Variants in GALNT2 observed in about 807,000 individuals in gnomAD.
GALNT2 encodes UDP-GalNAc:polypeptide N-acetylgalactosaminyltransferase 2.
GALNT2 carries 31 observed loss-of-function variants against 81.4 expected under a neutral mutation model. The observed-to-expected ratio is 0.38, with a 90% CI of 0.29 to 0.51. The LOEUF (loss-of-function observed/expected upper bound fraction) is 0.51, where lower values mean the gene tolerates loss of function less well. Ranked by LOEUF, GALNT2 falls within the 20% of genes least tolerant of loss-of-function variation. The probability of loss-of-function intolerance (pLI) is 0.87; values close to 1 mark genes in which losing one functional copy is unlikely to be tolerated. For missense variants in GALNT2, 629 were observed against 765.7 expected (o/e 0.82, Z 2.11); for synonymous variants, 303 against 287.4 (o/e 1.05, Z -0.55).
rs577735474 is a variant in GALNT2 at position 230,139,537 on chromosome 1, A to G, written c.127-38681A>G. ...GTTATTCTGCAGCAGGGCTGCTGGC[A>G]CTGGGCCTGGAGGGGAGCCACTGTA... On this transcript the variant is annotated intron_variant, in intron 1 of 15. Transcript: ENST00000366672. Among the ~76,000 whole-genome samples, 21 of 152,344 alleles carry G rather than the reference A, an allele frequency of 1.4e-4. No homozygotes were observed. In the South Asian group the frequency reaches 4.1e-3, roughly 30 times the overall value.
upstream of GALNT2, among the ~76,000 whole-genome samples, chr1:230,066,926 G>C (rs1437088195): frequency 6.6e-6 from 1 of 150,756 alleles, no homozygotes; most frequent in Admixed American, 6.6e-5. Context: ...GCGGCGCCCA[G>C]GCCCTCACGG....
chr1:230,086,388 C>T (rs1437137250), intron 1 of GALNT2, among the ~76,000 whole-genome samples: 1 of 151,896 alleles, frequency 6.6e-6, no homozygotes, highest in Non-Finnish European at 1.5e-5. Flanking sequence ...TGAGGTAGGG[C>T]AAGGAGGGAG....
chr1:230,271,661 G>A lies in GALNT2; in HGVS notation c.1441-2784G>A, dbSNP rs1011559333. Among the ~76,000 whole-genome samples, 9 of 152,320 alleles carry A rather than the reference G, an allele frequency of 5.9e-5. No individual in the cohort carries two copies. The highest frequency in any genetic ancestry group is 1.0e-4 in the Non-Finnish European group (7 of 68,044). The stretch of plus-strand genomic sequence containing the variant: ...AGAACTCAGGAAAACGGTTTACTTC[G>A]TGGCTTACCTGTTCATTAGGAAAGA... On this transcript the variant is annotated intron_variant, in intron 14 of 15. Transcript: ENST00000366672. This position sits in a 1 kb window ranked among gnomAD's most constrained non-coding sequence, Gnocchi z 4.2.
chr1:230,194,613 C>T (rs1182325995), intron 2 of GALNT2, among the ~76,000 whole-genome samples: 2 of 152,184 alleles, frequency 1.3e-5, no homozygotes, highest in African/African-American at 2.4e-5. Flanking sequence ...TGCGGTTAGC[C>T]CAGCCCTTCA....
At chr1:230,118,676 G>T (rs1392385714) in intron 1 of GALNT2, among the ~76,000 whole-genome samples, 1 of 151,862 alleles carries the variant, frequency 6.6e-6, no homozygotes, top group Non-Finnish European at 1.5e-5. Flanking sequence ...TTGCCCTACG[G>T]GGACTGGCTG....
chr1:230,176,916 T>A (rs777007361), intron 1 of GALNT2, among the ~76,000 whole-genome samples: 1 of 152,206 alleles, frequency 6.6e-6, no homozygotes, highest in African/African-American at 2.4e-5. Context: ...GACCCCCGGC[T>A]GCAGAATGGT....
rs1411204991 is a variant in GALNT2 at position 230,256,507 on chromosome 1, GA to G, written c.1136+1164del. 6.0e-5 allele frequency among the ~76,000 whole-genome samples: 9 copies of G among 150,512 alleles called. No individual in the cohort carries two copies. In the East Asian group the frequency reaches 1.4e-3, roughly 23 times the overall value. On this transcript the variant is annotated intron_variant, in intron 11 of 15. Transcript: ENST00000366672. ...TATAATGGCAATTAAAGTTTAACAT[GA>G]GTTTTGGAGGGAACAAACATTCAAA... is the stretch of plus-strand genomic sequence containing the variant.
intron 1 of GALNT2, among the ~76,000 whole-genome samples, 193 bp downstream of exon 1, chr1:230,067,599 T>A (rs1169101756): frequency 6.6e-6 from 1 of 151,324 alleles, no homozygotes; most frequent in Non-Finnish European, 1.5e-5. Context: ...CACGCCGGGC[T>A]CCGAAAGGGC....
intron 11 of GALNT2, among the ~76,000 whole-genome samples, chr1:230,256,156 C>G (rs1002964620): frequency 6.6e-6 from 1 of 152,098 alleles, no homozygotes; most frequent in Admixed American, 6.6e-5. Context: ...GGCCTCACCT[C>G]GGCTGGGCAT....
At position 230,265,257 on chromosome 1, in the gene GALNT2, G is replaced by A; in HGVS notation, c.1330G>A (p.Asp444Asn). Residue 444 changes from aspartate (D) to asparagine (N), a missense_variant, in exon 14 of 16, where the codon GAT becomes AAT. Physicochemically the swap from Asp to Asn is conservative, Grantham distance 23. Transcript: ENST00000366672. Reference protein sequence around the residue: ...YPELRVPDHQDIAFGALQQGT... With the variant: ...YPELRVPDHQNIAFGALQQGT... The stretch of plus-strand genomic sequence containing the variant: ...GTTTTTCAGGGTTCCAGACCATCAG[G>A]ATATAGCTTTTGGGGCCTTGCAGCA... 6.2e-7 allele frequency: 1 copy of A among 1,614,200 alleles called. No individual in the cohort carries two copies. The highest frequency in any genetic ancestry group is 8.5e-7 in the Non-Finnish European group (1 of 1,180,038).
intron 2 of GALNT2, among the ~76,000 whole-genome samples, chr1:230,198,162 A>G (rs1663763260): frequency 6.6e-6 from 1 of 152,184 alleles, no homozygotes; most frequent in Non-Finnish European, 1.5e-5. Context: ...ACCCAGGACG[A>G]GACCCTCAGT....
intron 2 of GALNT2, among the ~76,000 whole-genome samples, chr1:230,186,129 G>A (rs1233253889): frequency 1.3e-5 from 2 of 152,198 alleles, no homozygotes; most frequent in African/African-American, 4.8e-5. Context: ...GGAACTGGAC[G>A]TCCGTTTATG....
chr1:230,213,700 G>A (rs1210942755), intron 3 of GALNT2, among the ~76,000 whole-genome samples: 4 of 152,148 alleles, frequency 2.6e-5, no homozygotes, highest in African/African-American at 7.2e-5. Flanking sequence ...CCTGCTTTGT[G>A]TTTCTTTTTC....
intron 1 of GALNT2, among the ~76,000 whole-genome samples, chr1:230,128,965 C>T (rs1661282252): frequency 6.6e-6 from 1 of 152,236 alleles, no homozygotes; most frequent in South Asian, 2.1e-4. Flanking sequence ...GGATTATCAG[C>T]AATACTTCCA....
intron 2 of GALNT2, among the ~76,000 whole-genome samples, chr1:230,202,645 C>T (rs1352065731): frequency 3.3e-5 from 5 of 152,212 alleles, no homozygotes; most frequent in African/African-American, 1.2e-4. Flanking sequence ...AAGGTCTCAC[C>T]AAAGGGTATT....
At chr1:230,278,897 G>A (rs1666363617) in intron 15 of GALNT2, among the ~76,000 whole-genome samples, 1 of 152,178 alleles carries the variant, frequency 6.6e-6, no homozygotes, top group East Asian at 1.9e-4. Flanking sequence ...GGAGGATCTG[G>A]CCCTGCATTG....
intron 2 of GALNT2, among the ~76,000 whole-genome samples, chr1:230,198,991 C>T (rs1486272527): frequency 1.3e-5 from 2 of 152,190 alleles, no homozygotes; most frequent in African/African-American, 2.4e-5. Context: ...TCTGCCTCCT[C>T]ATGTAAAATG....
At chr1:230,217,139 CAATAA>C (rs1664413991) in intron 3 of GALNT2, among the ~76,000 whole-genome samples, 1 of 150,554 alleles carries the variant, frequency 6.6e-6, no homozygotes, top group African/African-American at 2.5e-5. Context: ...GGGGAGAAAA[CAATAA>C]AATAAATCAT....
intron 6 of GALNT2, among the ~76,000 whole-genome samples, chr1:230,237,530 T>G (rs552552010): frequency 6.6e-6 from 1 of 152,334 alleles, no homozygotes; most frequent in South Asian, 2.1e-4. Flanking sequence ...TCATTACATA[T>G]GCACTCCAGC....
Sources: allele counts gnomAD v4.1 joint callset (sites outside exome capture counted in the v4.1 genomes callset), GRCh38; gene constraint gnomAD v4.1.1; non-coding constraint Gnocchi (gnomAD v3.1); transcripts MANE v1.5; gene names NCBI Gene and HGNC (gene_info 2026-07-23, HGNC 2026-07-21).